The following THSD7B variants were observed in gnomAD, a reference collection of about 807,000 sequenced individuals.
THSD7B encodes the protein thrombospondin type 1 domain containing 7B, also known as thrombospondin type-1 domain-containing protein 7B.
A neutral mutation model predicts 213.6 loss-of-function variants in THSD7B; 138 were observed. That is an observed-to-expected ratio of 0.65 (90% CI 0.56 to 0.74). The LOEUF (loss-of-function observed/expected upper bound fraction) is 0.74. Among genes scored for constraint, THSD7B ranks in the 30% least tolerant of loss-of-function variants. THSD7B has a pLI of 0.00. For missense variants in THSD7B, 1,931 were observed against 1,991.5 expected (o/e 0.97, Z 0.58); for synonymous variants, 742 against 687.0 (o/e 1.08, Z -1.25).
At chr2:136,944,124 T>G (rs1684883402) in intron 2 of THSD7B, among the ~76,000 whole-genome samples, 1 of 152,238 alleles carries the variant, frequency 6.6e-6, no homozygotes, top group South Asian at 2.1e-4. Context: ...TATTTGTGCC[T>G]TCATTTCATT....
intron 14 of THSD7B, among the ~76,000 whole-genome samples, chr2:137,420,032 A>T (rs1051275348): frequency 3.9e-5 from 6 of 152,160 alleles, no homozygotes; most frequent in African/African-American, 1.4e-4. Flanking sequence ...ACTGTTATTC[A>T]TAATGATTAT....
chr2:137,552,423 G>A (rs1325229690), intron 15 of THSD7B, among the ~76,000 whole-genome samples: 1 of 152,152 alleles, frequency 6.6e-6, no homozygotes, highest in African/African-American at 2.4e-5. Context: ...CCATCTCAGT[G>A]TGAGTGTGGG....
intron 15 of THSD7B, among the ~76,000 whole-genome samples, chr2:137,497,585 A>G (rs1679599497): frequency 6.6e-6 from 1 of 151,510 alleles, no homozygotes; most frequent in Non-Finnish European, 1.5e-5. Context: ...ATACATACAT[A>G]TCTGTATATA....
chr2:137,264,893 T>C (rs900383371), intron 10 of THSD7B, among the ~76,000 whole-genome samples: 10 of 152,020 alleles, frequency 6.6e-5, no homozygotes, highest in African/African-American at 2.2e-4. Context: ...TAGTTACATA[T>C]GCATACATGT....
intron 25 of THSD7B, among the ~76,000 whole-genome samples, chr2:137,661,025 A>G (rs1413757547): frequency 6.6e-6 from 1 of 152,148 alleles, no homozygotes; most frequent in South Asian, 2.1e-4. Flanking sequence ...GTTGATGAGG[A>G]TTGGCATGAG....
chr2:137,038,577 G>A (rs187974181), intron 2 of THSD7B, among the ~76,000 whole-genome samples: 3 of 152,322 alleles, frequency 2.0e-5, no homozygotes, highest in African/African-American at 7.2e-5. Context: ...GAGGAAGTTG[G>A]ATCATTTCTA....
chr2:137,662,372 A>C (rs1420677598), intron 25 of THSD7B, among the ~76,000 whole-genome samples: 2 of 150,270 alleles, frequency 1.3e-5, no homozygotes, highest in Non-Finnish European at 3.0e-5. Flanking sequence ...CGTGAGCCAC[A>C]GCGCCCGGCC....
At chr2:136,998,409 C>T (rs1685936881) in intron 2 of THSD7B, among the ~76,000 whole-genome samples, 1 of 152,008 alleles carries the variant, frequency 6.6e-6, no homozygotes, top group Non-Finnish European at 1.5e-5. Flanking sequence ...GTATAAATTT[C>T]AACCCACTAC....
chr2:136,929,517 T>A (rs1015887266), intron 2 of THSD7B, among the ~76,000 whole-genome samples: 1 of 152,198 alleles, frequency 6.6e-6, no homozygotes, highest in African/African-American at 2.4e-5. Context: ...ATTCATAAGT[T>A]AAAACAAAAA....
At chr2:137,183,018 T>TA (rs1680483929) in intron 7 of THSD7B, among the ~76,000 whole-genome samples, 2 of 152,138 alleles carry the variant, frequency 1.3e-5, no homozygotes, top group Admixed American at 6.6e-5. Context: ...TCATTTTGTG[T>TA]AAAAAAACTT....
At chr2:137,389,315 T>G (rs1054419228) in intron 12 of THSD7B, among the ~76,000 whole-genome samples, 8 of 148,258 alleles carry the variant, frequency 5.4e-5, no homozygotes, top group African/African-American at 2.0e-4. Flanking sequence ...TAAGTGATAT[T>G]AACTATTTTT....
intron 1 of THSD7B, among the ~76,000 whole-genome samples, chr2:136,777,834 A>G (rs1681643265): frequency 6.6e-6 from 1 of 152,228 alleles, no homozygotes; most frequent in Non-Finnish European, 1.5e-5. Flanking sequence ...ATTAGTAGAA[A>G]ATATCACAAT....
chr2:137,033,189 G>A (rs540913432), intron 2 of THSD7B, among the ~76,000 whole-genome samples: 1 of 152,290 alleles, frequency 6.6e-6, no homozygotes, highest in South Asian at 2.1e-4. Context: ...AGGTGGTTCT[G>A]CTGATACTGG....
rs561340348 is a variant in THSD7B, at chr2:136,986,660, T to A, written c.140-69760T>A. Among the ~76,000 whole-genome samples, 3 of 152,330 alleles carry A rather than the reference T, an allele frequency of 2.0e-5. No homozygotes were observed. In the East Asian group the frequency reaches 5.8e-4, roughly 29 times the overall value. Reference sequence around the variant, plus strand: ...AGATAGTTGTAATGTTTCTCCTGCATTTTTTAAGGAAATGTCAAACAGCGC... The same window carrying A: ...AGATAGTTGTAATGTTTCTCCTGCAATTTTTAAGGAAATGTCAAACAGCGC... On this transcript the variant is annotated intron_variant, in intron 2 of 27. Coordinates refer to ENST00000409968, the MANE Select transcript of THSD7B (RefSeq NM_001316349.2).
At chr2:137,433,473 C>T (rs1687228398) in intron 14 of THSD7B, among the ~76,000 whole-genome samples, 1 of 151,954 alleles carries the variant, frequency 6.6e-6, no homozygotes, top group Non-Finnish European at 1.5e-5. Flanking sequence ...TCTCCTGCCT[C>T]AGCCTCCCAA....
intron 12 of THSD7B, among the ~76,000 whole-genome samples, chr2:137,384,595 G>T (rs1301262880): frequency 6.6e-6 from 1 of 152,104 alleles, no homozygotes; most frequent in African/African-American, 2.4e-5. Context: ...GTGGAGGCAG[G>T]GTCTGTTCAA....
chr2:137,130,300 G>A (rs1688705399), intron 5 of THSD7B, among the ~76,000 whole-genome samples: 1 of 152,042 alleles, frequency 6.6e-6, no homozygotes, highest in African/African-American at 2.4e-5. Flanking sequence ...TACCCCATTT[G>A]CTCAAAGGGC....
chr2:137,063,674 C>T (rs1400287482), intron 3 of THSD7B, among the ~76,000 whole-genome samples: 1 of 151,986 alleles, frequency 6.6e-6, no homozygotes, highest in African/African-American at 2.4e-5. Context: ...CCCCAATCAC[C>T]ACTACTTTTC....
At chr2:137,114,693 T>C (rs1376172132) in intron 4 of THSD7B, among the ~76,000 whole-genome samples, 1 of 152,216 alleles carries the variant, frequency 6.6e-6, no homozygotes, top group Admixed American at 6.5e-5. Context: ...TTTACGACTT[T>C]ACACATTCAC....
Sources: gnomAD v4.1 joint callset for allele counts (sites outside exome capture counted in the v4.1 genomes callset) on GRCh38, gnomAD v4.1.1 for gene constraint, MANE v1.5 for transcripts, NCBI Gene and HGNC (gene_info 2026-07-23, HGNC 2026-07-21) for gene names.